EHMT1: variants seen among roughly 807,000 people sequenced by gnomAD.
EHMT1 encodes histone-lysine N-methyltransferase EHMT1.
Under a neutral mutation model 147.2 loss-of-function variants are expected in EHMT1, and 15 were observed. The ratio of observed to expected loss-of-function variants is 0.10; its 90% CI spans 0.07 to 0.16. The LOEUF (loss-of-function observed/expected upper bound fraction) is 0.16. Among genes scored for constraint, EHMT1 ranks in the 10% least tolerant of loss-of-function variants. The probability of loss-of-function intolerance (pLI) is 1.00; values close to 1 mark genes in which losing one functional copy is unlikely to be tolerated. For missense variants in EHMT1, 1,587 were observed against 1,772.4 expected (o/e 0.90, Z 1.88); for synonymous variants, 795 against 709.6 (o/e 1.12, Z -1.91).
At chr9:137,621,529 C>G (rs924186123) in intron 1 of EHMT1, among the ~76,000 whole-genome samples, 1 of 151,996 alleles carries the variant, frequency 6.6e-6, no homozygotes, top group Admixed American at 6.6e-5. Flanking sequence ...GAAACCCTGT[C>G]TCTACTGAAA....
chr9:137,794,652 A>G (rs1368744653), intron 16 of EHMT1, among the ~76,000 whole-genome samples: 2 of 66,162 alleles, frequency 3.0e-5, no homozygotes, highest in Non-Finnish European at 6.3e-5. Context: ...ATCTCTAAGA[A>G]AAAAAAAAAA....
chr9:137,635,132 C>T (rs2133699676), intron 1 of EHMT1, among the ~76,000 whole-genome samples: 1 of 151,972 alleles, frequency 6.6e-6, no homozygotes, highest in South Asian at 2.1e-4. Flanking sequence ...TAGGATATCG[C>T]CATCTTAATA....
At position 137,716,913 on chromosome 9, in the gene EHMT1, T is replaced by G; in HGVS notation, c.373T>G (p.Tyr125Asp). ...VQTSVIGSNG[Y>D]ILNKPALQAQ... ...GACTTCTGTCATCGGCAGCAACGGA[T>G]ACATCTTAAATAAGCCGGCCCTACA... Residue 125 changes from tyrosine (Y) to aspartate (D), a missense_variant, in exon 3 of 27, where the codon TAC becomes GAC. By Grantham distance (160) the Tyr-to-Asp change is radical. Around this residue, in one of 7 missense-constraint regions of EHMT1, gnomAD observed 810 missense variants for 673.0 expected, o/e 1.20. Transcript: ENST00000460843. 6.2e-7 allele frequency: 1 copy of G among 1,613,002 alleles called. No individual in the cohort carries two copies.
At chr9:137,722,002 C>T (rs1287828769) in intron 3 of EHMT1, among the ~76,000 whole-genome samples, 4 of 150,156 alleles carry the variant, frequency 2.7e-5, no homozygotes, top group East Asian at 1.9e-4. Flanking sequence ...TTCAGTCTTA[C>T]GTGAACTTTA....
chr9:137,745,435 T>A (rs1948460325), intron 6 of EHMT1: 1 of 398,360 alleles, frequency 2.5e-6, no homozygotes, highest in Non-Finnish European at 4.4e-6. Flanking sequence ...ATTTTTTATT[T>A]TAAGATAATT....
intron 1 of EHMT1, among the ~76,000 whole-genome samples, chr9:137,667,959 G>A (rs1939867680): frequency 6.6e-6 from 1 of 152,164 alleles, no homozygotes; most frequent in African/African-American, 2.4e-5. Flanking sequence ...AATTGTGGCA[G>A]ATGGCACATA....
chr9:137,704,325 C>T (rs530339306), intron 1 of EHMT1, among the ~76,000 whole-genome samples: 9 of 152,236 alleles, frequency 5.9e-5, no homozygotes, highest in Non-Finnish European at 1.3e-4. Context: ...TCACTGAGCT[C>T]GGGACTTGGA....
intron 1 of EHMT1, among the ~76,000 whole-genome samples, chr9:137,657,094 T>C (rs900688860): frequency 1.3e-5 from 2 of 152,190 alleles, no homozygotes; most frequent in Non-Finnish European, 2.9e-5. Context: ...TGCTCCATGC[T>C]GTGGTCTGGG....
chr9:137,661,855 T>C (rs971454244), intron 1 of EHMT1, among the ~76,000 whole-genome samples: 21 of 152,216 alleles, frequency 1.4e-4, no homozygotes, highest in Admixed American at 1.1e-3. Context: ...CAGGCCGGAG[T>C]GCAATGCTGC....
Position 137,828,820 on chromosome 9 carries a change from C to G in EHMT1, c.3541-5529C>G, listed in dbSNP as rs1956001136. ...CATGTCTGCAATGAGCCCTTGGTGG[C>G]TCTGAGCAGTGCCAGTTCAGCACCT... On this transcript the variant is annotated intron_variant, in intron 25 of 26. Coordinates refer to ENST00000460843, the MANE Select transcript of EHMT1 (RefSeq NM_024757.5). The surrounding 1 kb of genome is among the most constrained non-coding windows in gnomAD (Gnocchi z 5.3). 1.3e-5 allele frequency among the ~76,000 whole-genome samples: 2 copies of G among 152,204 alleles called. No homozygotes were observed. Among genetic ancestry groups the G allele is most frequent in the Non-Finnish European group, 2.9e-5 (2 of 68,030 alleles).
chr9:137,816,824 G>A (rs116865530), intron 23 of EHMT1: 2,220 of 175,986 alleles, frequency 0.013, 16 homozygotes, highest in Middle Eastern at 0.025. Context: ...ACCCACGCCA[G>A]ACAGACGCGA....
At chr9:137,724,385 T>TGGG (rs1178797839) in intron 3 of EHMT1, among the ~76,000 whole-genome samples, 1 of 151,944 alleles carries the variant, frequency 6.6e-6, no homozygotes, top group Non-Finnish European at 1.5e-5. Context: ...CCTGTGGAGA[T>TGGG]GGGATGGGCC....
intron 25 of EHMT1, among the ~76,000 whole-genome samples, chr9:137,821,863 C>T (rs1955448326): frequency 1.3e-5 from 2 of 152,042 alleles, no homozygotes; most frequent in African/African-American, 2.4e-5. Context: ...TTATGGTTTT[C>T]TGTGGTGTGG....
In EHMT1 at chr9:137,805,295, T is replaced by C. The variant is rs528915126; in HGVS notation, c.2712+4311T>C. 3.3e-5 allele frequency among the ~76,000 whole-genome samples: 5 copies of C among 152,318 alleles called. No homozygotes were observed. In the East Asian group the frequency reaches 9.7e-4, roughly 29 times the overall value. ...GTCATCTGCATGTATGAGTCAGTCA[T>C]CTGCATGTCTGTGAGTCTGTCGTCC... On this transcript the variant is annotated intron_variant, in intron 18 of 26. Coordinates refer to ENST00000460843, the MANE Select transcript of EHMT1 (RefSeq NM_024757.5).
At chr9:137,803,389 C>T in intron 18 of EHMT1, 1 of 775,944 alleles carries the variant, frequency 1.3e-6, no homozygotes, top group Non-Finnish European at 1.6e-6. Flanking sequence ...CCCAGCCCAC[C>T]CCTGCCACCC....
At chr9:137,725,220 A>G (rs1309779934) in intron 3 of EHMT1, among the ~76,000 whole-genome samples, 2 of 134,478 alleles carry the variant, frequency 1.5e-5, no homozygotes, top group Non-Finnish European at 3.2e-5. Flanking sequence ...TGGGGCAGGT[A>G]TGTGGCATTC....
At chr9:137,650,175 T>C (rs1465311126) in intron 1 of EHMT1, among the ~76,000 whole-genome samples, 2 of 152,178 alleles carry the variant, frequency 1.3e-5, no homozygotes, top group Non-Finnish European at 2.9e-5. Flanking sequence ...CACAGCTCAC[T>C]GCAGCCTCAA....
chr9:137,705,906 C>T (rs1181570173), intron 1 of EHMT1, among the ~76,000 whole-genome samples: 3 of 152,224 alleles, frequency 2.0e-5, no homozygotes, highest in Non-Finnish European at 4.4e-5. Context: ...CTCTGGGGCT[C>T]CTGTCTACCT....
chr9:137,813,320 C>T lies in EHMT1; in HGVS notation c.3036-66C>T. On this transcript the variant is annotated intron_variant, in intron 20 of 26. Transcript: ENST00000460843. The surrounding 1 kb of genome is among the most constrained non-coding windows in gnomAD (Gnocchi z 4.9). ...CAGGTGTTTGCCAGCCGCCCCACTG[C>T]ACGCTGTGCCACCCCCTGGGCAGAG... The T allele has an allele frequency of 6.4e-7, 1 of 1,573,376 alleles. No individual in the cohort carries two copies. The highest frequency in any genetic ancestry group is 8.6e-7 in the Non-Finnish European group (1 of 1,164,708).
Sources: allele counts gnomAD v4.1 joint callset (sites outside exome capture counted in the v4.1 genomes callset), GRCh38; gene constraint gnomAD v4.1.1; regional missense constraint gnomAD v4.1.1; non-coding constraint Gnocchi (gnomAD v3.1); transcripts MANE v1.5; gene names NCBI Gene and HGNC (gene_info 2026-07-23, HGNC 2026-07-21).